The following DEDD2 variants were observed in gnomAD, a reference collection of about 807,000 sequenced individuals.
DEDD2 encodes death effector domain containing 2.
In DEDD2, 18 loss-of-function variants were observed where a neutral mutation model predicts 28.9. That is an observed-to-expected ratio of 0.62 (90% CI 0.43 to 0.92). DEDD2 has a LOEUF of 0.92. Among genes scored for constraint, DEDD2 ranks in the 40% least tolerant of loss-of-function variants. DEDD2 has a pLI of 0.00. For missense variants in DEDD2, 411 were observed against 463.3 expected (o/e 0.89, Z 1.04); for synonymous variants, 211 against 206.1 (o/e 1.02, Z -0.20).
chr19:42,216,568 TG>T, intron 2 of DEDD2, 111 bp downstream of exon 2: 1 of 1,079,274 alleles, frequency 9.3e-7, no homozygotes. Flanking sequence ...AGTAGCAGAA[TG>T]GGACATAAGC....
chr19:42,208,594 G>A (rs1283340588), intron 4 of DEDD2, among the ~76,000 whole-genome samples: 1 of 152,228 alleles, frequency 6.6e-6, no homozygotes, highest in East Asian at 1.9e-4. Flanking sequence ...GCCAGTGCCT[G>A]GCGCATGGAA....
At chr19:42,201,891 G>A (rs2035345103) in intron 4 of DEDD2, 1 of 397,580 alleles carries the variant, frequency 2.5e-6, no homozygotes, top group Non-Finnish European at 4.4e-6. Flanking sequence ...AATCAATGTG[G>A]GTGGGAGAGC....
intron 4 of DEDD2, among the ~76,000 whole-genome samples, chr19:42,206,973 C>T (rs2035558828): frequency 6.6e-6 from 1 of 152,190 alleles, no homozygotes; most frequent in Admixed American, 6.5e-5. Flanking sequence ...CATCTCCCAT[C>T]AAGACCTAGC....
chr19:42,203,287 T>C (rs2035404537), intron 4 of DEDD2, among the ~76,000 whole-genome samples: 1 of 152,146 alleles, frequency 6.6e-6, no homozygotes, highest in African/African-American at 2.4e-5. Flanking sequence ...GAGTTATAGT[T>C]CAGATTGAAA....
Position 42,199,407 on chromosome 19 carries a change from T to C in DEDD2, c.*31A>G. ...CCCAGGAGAAGGTGGCCCGGAGACT[T>C]GGAGGTGGGATCAATCCTGCCAGTC... On this transcript the variant is annotated 3_prime_UTR_variant, in exon 5 of 5. Transcript: ENST00000596251. This position sits in a 1 kb window ranked among gnomAD's most constrained non-coding sequence, Gnocchi z 7.4. The C allele has an allele frequency of 6.5e-7, 1 of 1,543,134 alleles. No homozygotes were observed. The highest frequency in any genetic ancestry group is 8.7e-7 in the Non-Finnish European group (1 of 1,151,108).
chr19:42,199,941 C>T lies in DEDD2; in HGVS notation c.590-112G>A. On this transcript the variant is annotated intron_variant, in intron 4 of 4. Coordinates refer to ENST00000596251, the MANE Select transcript of DEDD2 (RefSeq NM_133328.4). This position sits in a 1 kb window ranked among gnomAD's most constrained non-coding sequence, Gnocchi z 7.4. Reference sequence around the variant, plus strand: ...TCCCTCCACCCCCTTCCGGTAGCCACACCCTAGTCCTGACACAGCCTCCCC... The same window carrying T: ...TCCCTCCACCCCCTTCCGGTAGCCATACCCTAGTCCTGACACAGCCTCCCC... 2.1e-6 allele frequency: 3 copies of T among 1,432,072 alleles called. No individual in the cohort carries two copies. The highest frequency in any genetic ancestry group is 2.8e-6 in the Non-Finnish European group (3 of 1,080,696). The allele number at this position is 1,432,072 out of a possible 1,614,324, so 88.7% of individuals were successfully genotyped here. A position where few individuals can be genotyped will look rare whatever the true frequency, so the allele number is the denominator to read the frequency against.
intron 4 of DEDD2, among the ~76,000 whole-genome samples, chr19:42,208,994 T>C (rs1328238168): frequency 1.3e-5 from 2 of 152,096 alleles, no homozygotes; most frequent in Non-Finnish European, 2.9e-5. Context: ...TCCCAGAACT[T>C]TGGAAGGCTG....
chr19:42,219,245 C>T (rs1405697686), upstream of DEDD2, among the ~76,000 whole-genome samples: 1 of 145,010 alleles, frequency 6.9e-6, no homozygotes, highest in Non-Finnish European at 1.5e-5. Context: ...CGGAGGTTGC[C>T]GTGAGCCGAG....
At chr19:42,205,819 A>C (rs1254118708) in intron 4 of DEDD2, among the ~76,000 whole-genome samples, 1 of 151,828 alleles carries the variant, frequency 6.6e-6, no homozygotes. Flanking sequence ...GCGGTGGCTC[A>C]TGCCTGTAAT....
intron 4 of DEDD2, among the ~76,000 whole-genome samples, chr19:42,207,639 A>G (rs1224928870): frequency 6.6e-6 from 1 of 152,134 alleles, no homozygotes; most frequent in Non-Finnish European, 1.5e-5. Context: ...ACTATAACGT[A>G]AACTCCTGGA....
chr19:42,199,255 G>A lies in DEDD2; in HGVS notation c.*183C>T, dbSNP rs2035224884. The A allele has an allele frequency of 3.2e-6, 3 of 933,852 alleles. No homozygotes were observed. The highest frequency in any genetic ancestry group is 4.6e-6 in the Non-Finnish European group (3 of 649,818). 57.8% of individuals were successfully genotyped at this position (933,852 alleles called of 1,614,324 possible). ...GGAGTCTGGGAAGGAAACTCAGCTG[G>A]AAATGGTTTAGGCCTCAGAGCCCAC... On this transcript the variant is annotated 3_prime_UTR_variant, in exon 5 of 5. Transcript: ENST00000596251. This position sits in a 1 kb window ranked among gnomAD's most constrained non-coding sequence, Gnocchi z 7.4.
Position 42,217,023 on chromosome 19 carries a change from G to A in DEDD2, c.-16C>T. Reference sequence around the variant, plus strand: ...ATAGCGCCATTCCCGGGGGAGGGAGGCGGAACAAGCTCAGAACCCGGCCTA... The same window carrying A: ...ATAGCGCCATTCCCGGGGGAGGGAGACGGAACAAGCTCAGAACCCGGCCTA... On this transcript the variant is annotated 5_prime_UTR_variant, in exon 2 of 5. Transcript: ENST00000596251. 1.3e-6 allele frequency: 2 copies of A among 1,564,030 alleles called. No individual in the cohort carries two copies. Among genetic ancestry groups the A allele is most frequent in the Non-Finnish European group, 1.7e-6 (2 of 1,154,946 alleles).
chr19:42,218,627 C>T (rs1210365713), upstream of DEDD2, among the ~76,000 whole-genome samples: 1 of 152,136 alleles, frequency 6.6e-6, no homozygotes, highest in Admixed American at 6.5e-5. Flanking sequence ...GAGACAAGTC[C>T]CCTCCCTGGA....
chr19:42,216,542 T>G, intron 2 of DEDD2, 138 bp downstream of exon 2: 12 of 869,854 alleles, frequency 1.4e-5, no homozygotes, highest in Non-Finnish European at 2.0e-5. Context: ...TGCTCATTGA[T>G]ATTGTGGGAA....
Position 42,209,841 on chromosome 19 carries a change from C to A in DEDD2, c.449-1G>T. 1 of 1,515,356 alleles carries A rather than the reference C, an allele frequency of 6.6e-7. No homozygotes were observed. Among genetic ancestry groups the A allele is most frequent in the Non-Finnish European group, 8.8e-7 (1 of 1,133,378 alleles). The allele number at this position is 1,515,356 out of a possible 1,614,324, so 93.9% of individuals were successfully genotyped here. On this transcript the variant is annotated splice_acceptor_variant, in intron 3 of 4. Coordinates refer to ENST00000596251, the MANE Select transcript of DEDD2 (RefSeq NM_133328.4). LOFTEE classifies it high-confidence loss of function. ...CGCTGCCGCTTGGTTGGGGGGGAGC[C>A]TGAGGGGAAAAAAATGGGGCAAGTT...
chr19:42,202,220 C>G (rs988168743), intron 4 of DEDD2: 1 of 397,500 alleles, frequency 2.5e-6, no homozygotes, highest in Non-Finnish European at 4.4e-6. Context: ...ACTCCCTACA[C>G]CCATGGCCCT....
At chr19:42,203,608 C>T (rs138074990) in intron 4 of DEDD2, among the ~76,000 whole-genome samples, 3 of 152,306 alleles carry the variant, frequency 2.0e-5, no homozygotes, top group East Asian at 1.9e-4. Context: ...CTCTGTACCT[C>T]GGTGGCCTCC....
intron 4 of DEDD2, chr19:42,204,516 GTCC>G (rs2035453513): frequency 6.5e-6 from 1 of 154,272 alleles, no homozygotes; most frequent in African/African-American, 2.4e-5. Flanking sequence ...GCTTCCGGAG[GTCC>G]TCAACAGAAG....
chr19:42,215,276 G>A, intron 2 of DEDD2, 24 bp from the exon 3 acceptor site: 1 of 1,612,552 alleles, frequency 6.2e-7, no homozygotes, highest in Non-Finnish European at 8.5e-7. Flanking sequence ...AGAACAGGAA[G>A]AAGCATTCAG....
Sources: gnomAD v4.1 joint callset for allele counts (sites outside exome capture counted in the v4.1 genomes callset) on GRCh38, gnomAD v4.1.1 for gene constraint, Gnocchi (gnomAD v3.1) non-coding constraint, MANE v1.5 for transcripts, NCBI Gene and HGNC (gene_info 2026-07-23, HGNC 2026-07-21) for gene names.